The following IRAG2 variants were observed in gnomAD, a reference collection of about 807,000 sequenced individuals.
IRAG2 encodes inositol 1,4,5-triphosphate receptor associated 2, also known as lymphoid restricted membrane protein.
A neutral mutation model predicts 69.9 loss-of-function variants in IRAG2; 45 were observed. The ratio of observed to expected loss-of-function variants is 0.64; its 90% confidence interval spans 0.51 to 0.83. The LOEUF is 0.83. Ranked by LOEUF, IRAG2 falls within the 40% of genes least tolerant of loss-of-function variation. The pLI is 0.00. For synonymous variants in IRAG2, 193 were observed against 202.4 expected (o/e 0.95, Z 0.40); for missense variants, 520 against 587.0 (o/e 0.89, Z 1.18).
intron 10 of IRAG2, among the ~76,000 whole-genome samples, chr12:25,086,472 C>T (rs1241411575): frequency 6.6e-6 from 1 of 152,142 alleles, no homozygotes; most frequent in East Asian, 1.9e-4. Context: ...GCTGCATACC[C>T]ATATTCATAA....
chr12:25,101,255 C>A lies in IRAG2; in HGVS notation c.819C>A (p.His273Gln), dbSNP rs115987035. 6.2e-7 allele frequency: 1 copy of A among 1,611,616 alleles called. No individual in the cohort carries two copies. Among genetic ancestry groups the A allele is most frequent in the Non-Finnish European group, 8.5e-7 (1 of 1,178,528 alleles). The change falls in exon 16 of 22, where the codon CAC becomes CAA. Residue 273 changes from histidine (H) to glutamine (Q), a missense_variant. By Grantham distance (24) the His-to-Gln change is conservative. Transcript: ENST00000556887. ...TGAAGAGGATGTATGCCAAAGAGCA[C>A]GCTGAATTAGAAGAACTGAAACAGG... Reference protein sequence around the residue: ...ENLKRMYAKEHAELEELKQVL... With the variant: ...ENLKRMYAKEQAELEELKQVL...
chr12:25,079,014 T>A lies in IRAG2; in HGVS notation c.25-230T>A, dbSNP rs532954175. ...GCCCAAAATTTTTATCAGATTTTTT[T>A]AAATATCAGACTTGTAAATATACTT... is the stretch of plus-strand genomic sequence containing the variant. On this transcript the variant is annotated intron_variant, in intron 6 of 21. Coordinates refer to ENST00000556887, the MANE Select transcript of IRAG2 (RefSeq NM_001366544.2). Among the ~76,000 whole-genome samples, 157 of 152,364 alleles carry A rather than the reference T, an allele frequency of 1.0e-3. 13 individuals carry two copies. The highest frequency in any genetic ancestry group is 3.9e-4 in the Admixed American group (6 of 15,308).
chr12:25,025,753 G>C (rs1185381356), intron 8 of IRAG2, among the ~76,000 whole-genome samples: 1 of 152,174 alleles, frequency 6.6e-6, no homozygotes, highest in Non-Finnish European at 1.5e-5. Flanking sequence ...GAAGTGTTTG[G>C]ATCAGGAAAT....
intron 2 of IRAG2, among the ~76,000 whole-genome samples, chr12:25,008,511 G>A (rs898310574): frequency 3.9e-5 from 6 of 152,136 alleles, no homozygotes; most frequent in African/African-American, 1.4e-4. Context: ...GGCTGAGGTG[G>A]GCAGATCACT....
At chr12:25,002,675 T>A (rs1222028568), upstream of IRAG2, among the ~76,000 whole-genome samples, 1 of 151,062 alleles carries the variant, frequency 6.6e-6, no homozygotes, top group Non-Finnish European at 1.5e-5. Context: ...AGAGTCTTGC[T>A]CTGTCCCCCC....
intron 14 of IRAG2, chr12:25,036,503 T>C: frequency 2.5e-6 from 1 of 397,482 alleles, no homozygotes; most frequent in Non-Finnish European, 4.4e-6. Context: ...GTTACCTATA[T>C]AGTAGAATTT....
intron 14 of IRAG2, among the ~76,000 whole-genome samples, chr12:25,091,856 A>G (rs1280709313): frequency 6.6e-6 from 1 of 152,196 alleles, no homozygotes; most frequent in Non-Finnish European, 1.5e-5. Flanking sequence ...TCTCTAATGG[A>G]TAATGATATT....
rs894787448 is a variant in IRAG2 at position 25,092,808 on chromosome 12, T to C, written c.606+2611T>C. 1.9e-5 allele frequency: 3 copies of C among 157,746 alleles called. No individual in the cohort carries two copies. The Admixed American group carries it at 1.9e-4, about 10-fold the overall frequency. The allele number at this position is 157,746 out of a possible 1,614,324, so 9.8% of individuals were successfully genotyped here. The stretch of plus-strand genomic sequence containing the variant: ...CGTTTGGTTCTTTCTCCTGAACATC[T>C]GAATACTTCCGATGGAGTTGTTTTG... On this transcript the variant is annotated intron_variant, in intron 14 of 21. Transcript: ENST00000556887.
intron 2 of IRAG2, among the ~76,000 whole-genome samples, chr12:25,010,200 G>C (rs1406855581): frequency 6.6e-6 from 1 of 152,116 alleles, no homozygotes; most frequent in Non-Finnish European, 1.5e-5. Context: ...TTCTCTGCTG[G>C]GTACAGTGAC....
At chr12:25,055,715 C>G (rs1469827585) in intron 1 of IRAG2, among the ~76,000 whole-genome samples, 2 of 152,176 alleles carry the variant, frequency 1.3e-5, no homozygotes, top group African/African-American at 4.8e-5. Context: ...GTTTGGTTTT[C>G]TGTCCTTGCG....
At chr12:25,033,514 TC>T in intron 12 of IRAG2, among the ~76,000 whole-genome samples, 1 of 152,298 alleles carries the variant, frequency 6.6e-6, no homozygotes, top group South Asian at 2.1e-4. Context: ...AATTGTGACA[TC>T]AAAACGGTAT....
intron 14 of IRAG2, among the ~76,000 whole-genome samples, chr12:25,036,188 T>C (rs1423754855): frequency 5.9e-5 from 9 of 152,256 alleles, no homozygotes; most frequent in Non-Finnish European, 1.0e-4. Flanking sequence ...AATATTTTCA[T>C]ACTGGTATTG....
intron 10 of IRAG2, among the ~76,000 whole-genome samples, chr12:25,087,318 C>T (rs1947692627): frequency 6.6e-6 from 1 of 151,878 alleles, no homozygotes; most frequent in South Asian, 2.1e-4. Context: ...TAGGCCTGCA[C>T]CACCACCCCT....
At chr12:25,087,606 G>A (rs859155) in intron 10 of IRAG2, among the ~76,000 whole-genome samples, 15,829 of 152,036 alleles carry the variant, frequency 0.1, 880 homozygotes, top group South Asian at 0.15. Flanking sequence ...GATTGGAAGC[G>A]CCCTTGCAGC....
At chr12:25,105,779 A>G (rs2140270733) in intron 20 of IRAG2, among the ~76,000 whole-genome samples, 1 of 152,314 alleles carries the variant, frequency 6.6e-6, no homozygotes, top group Middle Eastern at 3.4e-3. Context: ...AATGCAATTT[A>G]TTCTGGCTTT....
intron 2 of IRAG2, among the ~76,000 whole-genome samples, chr12:25,009,624 C>T (rs7132266): frequency 0.016 from 2,476 of 152,234 alleles, 81 homozygotes; most frequent in African/African-American, 0.057. Flanking sequence ...ATCATGGAGG[C>T]GGGCAAGTCC....
chr12:25,002,444 G>T (rs1944398024), upstream of IRAG2, among the ~76,000 whole-genome samples: 1 of 152,136 alleles, frequency 6.6e-6, no homozygotes, highest in Admixed American at 6.5e-5. Context: ...TATTTTTGAG[G>T]AGAAGGCATG....
intron 14 of IRAG2, chr12:25,035,861 T>C (rs576873366): frequency 3.0e-5 from 12 of 398,252 alleles, no homozygotes; most frequent in African/African-American, 2.3e-4. Flanking sequence ...ACCTGCAACC[T>C]GTTTGCTGAG....
intron 9 of IRAG2, among the ~76,000 whole-genome samples, chr12:25,080,775 T>C (rs1456374367): frequency 1.3e-5 from 2 of 152,214 alleles, no homozygotes; most frequent in Non-Finnish European, 2.9e-5. Context: ...AATGTCTTTA[T>C]ACTCCACCTT....
Sources: gnomAD v4.1 joint callset for allele counts (sites outside exome capture counted in the v4.1 genomes callset) on GRCh38, gnomAD v4.1.1 for gene constraint, MANE v1.5 for transcripts, NCBI Gene and HGNC (gene_info 2026-07-23, HGNC 2026-07-21) for gene names.